GPATCH2: variants seen among roughly 807,000 people sequenced by gnomAD.
The protein encoded by GPATCH2 is G patch domain-containing protein 2.
GPATCH2 carries 51 observed loss-of-function variants against 58.0 expected under a neutral mutation model. The ratio of observed to expected loss-of-function variants is 0.88; its 90% CI spans 0.70 to 1.11. The LOEUF (loss-of-function observed/expected upper bound fraction) is 1.11, where lower values mean the gene tolerates loss of function less well. Among genes scored for constraint, GPATCH2 ranks in the 50% most tolerant of loss-of-function variants. The probability of loss-of-function intolerance (pLI) is 0.00; values close to 1 mark genes in which losing one functional copy is unlikely to be tolerated. For synonymous variants in GPATCH2, 222 were observed against 218.5 expected (o/e 1.02, Z -0.14); for missense variants, 625 against 652.2 (o/e 0.96, Z 0.45).
chr1:217,456,905 T>G (rs959345895), intron 8 of GPATCH2, among the ~76,000 whole-genome samples: 3 of 152,154 alleles, frequency 2.0e-5, no homozygotes. Flanking sequence ...TGCATAGGCC[T>G]GGGTTGAAAG....
At chr1:217,564,185 T>C (rs575694663) in intron 5 of GPATCH2, among the ~76,000 whole-genome samples, 1 of 151,502 alleles carries the variant, frequency 6.6e-6, no homozygotes, top group African/African-American at 2.4e-5. Context: ...CGAAGTCCGA[T>C]AAAAATCATC....
At chr1:217,487,363 A>C (rs1265961054) in intron 8 of GPATCH2, among the ~76,000 whole-genome samples, 1 of 152,058 alleles carries the variant, frequency 6.6e-6, no homozygotes. Context: ...TCTAATTGCA[A>C]TCCACATGTC....
intron 5 of GPATCH2, among the ~76,000 whole-genome samples, chr1:217,560,065 T>C (rs1434383327): frequency 6.6e-6 from 1 of 152,186 alleles, no homozygotes; most frequent in African/African-American, 2.4e-5. Context: ...GCCAGGATGG[T>C]CTCGATCTCC....
At chr1:217,432,606 T>C (rs184378054) in intron 9 of GPATCH2, among the ~76,000 whole-genome samples, 57 of 152,304 alleles carry the variant, frequency 3.7e-4, no homozygotes, top group African/African-American at 1.1e-3. Context: ...TATTAGATTA[T>C]GGTGTATGAA....
chr1:217,534,052 C>A (rs892452292), intron 5 of GPATCH2, among the ~76,000 whole-genome samples: 1 of 151,978 alleles, frequency 6.6e-6, no homozygotes, highest in African/African-American at 2.4e-5. Context: ...CCCACCTCTA[C>A]TAAAAATACA....
chr1:217,431,609 G>C (rs1209698253), intron 9 of GPATCH2, among the ~76,000 whole-genome samples: 3 of 152,130 alleles, frequency 2.0e-5, no homozygotes, highest in Non-Finnish European at 4.4e-5. Flanking sequence ...CTGGGCTTTT[G>C]TTTCCTCATC....
chr1:217,547,426 A>G (rs1571898082), intron 5 of GPATCH2, among the ~76,000 whole-genome samples: 1 of 152,060 alleles, frequency 6.6e-6, no homozygotes, highest in East Asian at 1.9e-4. Context: ...TGCTGGCGGG[A>G]GTGTAAATTA....
At chr1:217,500,348 C>G (rs1662236344) in intron 6 of GPATCH2, among the ~76,000 whole-genome samples, 1 of 151,934 alleles carries the variant, frequency 6.6e-6, no homozygotes, top group Non-Finnish European at 1.5e-5. Context: ...GGTCTCACAG[C>G]TGTTGTTTTC....
At chr1:217,575,115 A>AT (rs1231008938) in intron 5 of GPATCH2, among the ~76,000 whole-genome samples, 1 of 152,196 alleles carries the variant, frequency 6.6e-6, no homozygotes, top group Non-Finnish European at 1.5e-5. Flanking sequence ...TCCTTCAGTC[A>AT]TATCAATGAG....
intron 5 of GPATCH2, among the ~76,000 whole-genome samples, chr1:217,538,222 C>T (rs983936462): frequency 6.6e-6 from 1 of 152,194 alleles, no homozygotes; most frequent in Non-Finnish European, 1.5e-5. Context: ...AATGATGTGA[C>T]TCACATACAT....
rs542217302 is a variant in GPATCH2, at chr1:217,619,847, G to T, written c.709C>A (p.Gln237Lys). 1.4e-5 allele frequency: 23 copies of T among 1,613,302 alleles called. No individual in the cohort carries two copies. The highest frequency in any genetic ancestry group is 1.9e-5 in the Non-Finnish European group (23 of 1,179,664). The stretch of plus-strand genomic sequence containing the variant: ...CATTCCATTTTGTCCTTATTGGTCT[G>T]GTTCGTTTCCTCACTTTCTAAAACT... ...GVVLESEETN[Q>K]TNKDKMECEE... Residue 237 changes from glutamine to lysine, a missense_variant, in exon 2 of 10, where the codon CAG becomes AAG. Physicochemically the swap from Gln to Lys is moderately conservative, Grantham distance 53. Transcript: ENST00000366935.
chr1:217,447,458 G>A (rs998805017), intron 9 of GPATCH2, among the ~76,000 whole-genome samples: 12 of 152,280 alleles, frequency 7.9e-5, no homozygotes, highest in African/African-American at 2.2e-4. Flanking sequence ...GTCATCTTAG[G>A]TAGCTAACCT....
intron 5 of GPATCH2, among the ~76,000 whole-genome samples, chr1:217,576,849 G>C (rs1253481196): frequency 6.6e-6 from 1 of 152,184 alleles, no homozygotes; most frequent in Non-Finnish European, 1.5e-5. Flanking sequence ...AGTGGAATTA[G>C]ATGGGTATTG....
At chr1:217,572,643 A>G (rs1042185200) in intron 5 of GPATCH2, among the ~76,000 whole-genome samples, 1 of 152,208 alleles carries the variant, frequency 6.6e-6, no homozygotes, top group Non-Finnish European at 1.5e-5. Flanking sequence ...CCAGAATTCA[A>G]TCACAGGTAT....
intron 8 of GPATCH2, among the ~76,000 whole-genome samples, chr1:217,454,517 A>T (rs1659837609): frequency 7.4e-6 from 1 of 135,446 alleles, no homozygotes; most frequent in Non-Finnish European, 1.5e-5. Context: ...TGAACCCGGA[A>T]GGCAGAGCTT....
chr1:217,434,569 G>C (rs894324988), intron 9 of GPATCH2, among the ~76,000 whole-genome samples: 1 of 152,004 alleles, frequency 6.6e-6, no homozygotes, highest in Non-Finnish European at 1.5e-5. Flanking sequence ...TCAGACCAGA[G>C]GTCTATTGCT....
intron 7 of GPATCH2, among the ~76,000 whole-genome samples, chr1:217,494,380 T>A (rs1340366155): frequency 6.6e-6 from 1 of 152,196 alleles, no homozygotes; most frequent in Non-Finnish European, 1.5e-5. Flanking sequence ...TGAGCTTAGA[T>A]CTTTTATGGG....
At chr1:217,528,257 A>G (rs924234842) in intron 5 of GPATCH2, among the ~76,000 whole-genome samples, 5 of 152,188 alleles carry the variant, frequency 3.3e-5, no homozygotes, top group African/African-American at 1.2e-4. Flanking sequence ...GATTTTCATG[A>G]CTAATTGACA....
intron 5 of GPATCH2, among the ~76,000 whole-genome samples, chr1:217,592,432 G>A (rs1667635191): frequency 6.6e-6 from 1 of 151,762 alleles, no homozygotes; most frequent in Admixed American, 6.6e-5. Context: ...GCACAGAGGA[G>A]GTGAAGGTAT....
Sources: allele counts gnomAD v4.1 joint callset (sites outside exome capture counted in the v4.1 genomes callset), GRCh38; gene constraint gnomAD v4.1.1; transcripts MANE v1.5; gene names NCBI Gene and HGNC (gene_info 2026-07-23, HGNC 2026-07-21).